LDHD: variants seen among roughly 807,000 people sequenced by gnomAD.
LDHD encodes the protein lactate dehydrogenase D.
A neutral mutation model predicts 52.9 loss-of-function variants in LDHD; 58 were observed. The ratio of observed to expected loss-of-function variants is 1.10; its 90% CI spans 0.89 to 1.36. The LOEUF is 1.36. Ranked by LOEUF, LDHD falls within the 40% of genes most tolerant of loss-of-function variation. The pLI is 0.00. For synonymous variants in LDHD, 350 were observed against 288.6 expected (o/e 1.21, Z -2.16); for missense variants, 747 against 668.0 (o/e 1.12, Z -1.30).
Position 75,114,007 on chromosome 16 carries a change from G to C in LDHD, c.788C>G (p.Thr263Ser), listed in dbSNP as rs558912873. The C allele has an allele frequency of 1.2e-5, 20 of 1,606,628 alleles. No individual in the cohort carries two copies. The highest frequency in any genetic ancestry group is 1.6e-5 in the Non-Finnish European group (19 of 1,177,748). ...FPSVQAAVDSTVHILQAAVPV... is the reference protein window; with the variant it reads ...FPSVQAAVDSSVHILQAAVPV... ...CACTGCAGCCTGGAGGATGTGTACAGTGCTGTCCACAGCAGCCTGGACACT... is the reference window on the plus strand; with the variant it reads ...CACTGCAGCCTGGAGGATGTGTACACTGCTGTCCACAGCAGCCTGGACACT... Residue 263 changes from threonine (T) to serine (S), a missense_variant, in exon 6 of 11, where the codon ACT (threonine) becomes AGT (serine). Physicochemically the swap from Thr to Ser is moderately conservative, Grantham distance 58. Transcript: ENST00000450168.
In LDHD at chr16:75,112,313, C is replaced by T; in HGVS notation, c.*43G>A. 6.4e-7 allele frequency: 1 copy of T among 1,566,270 alleles called. No homozygotes were observed. Among genetic ancestry groups the T allele is most frequent in the Non-Finnish European group, 8.7e-7 (1 of 1,151,530 alleles). On this transcript the variant is annotated 3_prime_UTR_variant, in exon 11 of 11. Transcript: ENST00000450168. ...GCATGAAGAAAAGTTCCAGAACCGG[C>T]TCCGTAGTCAGGGAACTTGTGGGCT...
At position 75,112,735 on chromosome 16, in the gene LDHD, C is replaced by G. The variant is rs563835461; in HGVS notation, c.1178-22G>C. On this transcript the variant is annotated intron_variant, in intron 9 of 10. Transcript: ENST00000450168. Reference sequence around the variant, plus strand: ...CTTCCTGGGGGCCCAGAGGACAGAACTATTCTCCAGCCCAGTCCTCCTCTT... The same window carrying G: ...CTTCCTGGGGGCCCAGAGGACAGAAGTATTCTCCAGCCCAGTCCTCCTCTT... 9 of 1,609,972 alleles carry G rather than the reference C, an allele frequency of 5.6e-6. No individual in the cohort carries two copies. The South Asian group carries it at 8.8e-5, about 16-fold the overall frequency.
Position 75,112,150 on chromosome 16 carries a change from C to A in LDHD, c.*206G>T, listed in dbSNP as rs1455376577. ...CCTGGGTCGTTTACTGAACCAAAGG[C>A]TCCTGGGGCCAGCCAGAGGGCCAGG... On this transcript the variant is annotated 3_prime_UTR_variant, in exon 11 of 11. Transcript: ENST00000450168. 9.8e-6 allele frequency: 6 copies of A among 609,222 alleles called. No individual in the cohort carries two copies. The highest frequency in any genetic ancestry group is 2.8e-6 in the Non-Finnish European group (1 of 357,456). The allele number at this position is 609,222 out of a possible 1,614,324, so 37.7% of individuals were successfully genotyped here.
Position 75,112,846 on chromosome 16 carries a change from A to C in LDHD, c.1165T>G (p.Ser389Ala), listed in dbSNP as rs1325952326. Residue 389 changes from serine (S) to alanine (A), a missense_variant, in exon 9 of 11, where the codon TCA becomes GCA. Transcript: ENST00000450168. The stretch of plus-strand genomic sequence containing the variant: ...GGGTGGGCAGAACCTGTGAGTCCTG[A>C]GGCATTCAGATCCTCCTTGGTCTGC... ...VVQTKEDLNA[S>A]GLTGSIVGHV... 1.9e-6 allele frequency: 3 copies of C among 1,613,238 alleles called. No individual in the cohort carries two copies. Among genetic ancestry groups the C allele is most frequent in the Non-Finnish European group, 2.5e-6 (3 of 1,179,812 alleles).
chr16:75,113,772 G>T lies in LDHD; in HGVS notation c.928C>A (p.Gln310Lys), dbSNP rs1483443794. Residue 310 changes from glutamine (Q) to lysine (K), a missense_variant, in exon 7 of 11, where the codon CAG (glutamine) becomes AAG (lysine). Transcript: ENST00000450168. ...CGCTGCAGCTGCTCCTCCAGTGCCTGCTGGGAGCCATGGAACTCCAGGAAG... is the reference window on the plus strand; with the variant it reads ...CGCTGCAGCTGCTCCTCCAGTGCCTTCTGGGAGCCATGGAACTCCAGGAAG... The part of the protein sequence containing the change: ...TLFLEFHGSQ[Q>K]ALEEQLQRTE... 5 of 1,613,958 alleles carry T rather than the reference G, an allele frequency of 3.1e-6. No individual in the cohort carries two copies. The highest frequency in any genetic ancestry group is 1.1e-5 in the South Asian group (1 of 91,084).
chr16:75,113,710 C>A (rs1355699227), intron 7 of LDHD, 32 bp downstream of exon 7: 1 of 1,613,082 alleles, frequency 6.2e-7, no homozygotes, highest in Admixed American at 1.7e-5. Context: ...CTGAGGCAGC[C>A]CACCCTGCTG....
chr16:75,116,525 T>A, intron 1 of LDHD, 124 bp downstream of exon 1: 1 of 777,272 alleles, frequency 1.3e-6, no homozygotes, highest in Non-Finnish European at 2.2e-6. Context: ...CCCAGTGCCC[T>A]TTTGCCCAAG....
In LDHD at chr16:75,113,635, G is replaced by A. The variant is rs759491355; in HGVS notation, c.986C>T (p.Ser329Phe). The change falls in exon 8 of 11, where the codon TCT becomes TTT. Residue 329 changes from serine (S) to phenylalanine (F), a missense_variant. Transcript: ENST00000450168. ...GGCCTCCTTGGCCCAGGAGAAGTCA[G>A]AGGCTCCGTTCTGCTGGACTATCTC... The part of the protein sequence containing the change: ...TEEIVQQNGA[S>F]DFSWAKEAEE... 2 of 1,613,352 alleles carry A rather than the reference G, an allele frequency of 1.2e-6. No homozygotes were observed. The highest frequency in any genetic ancestry group is 4.5e-5 in the East Asian group (2 of 44,872).
At chr16:75,114,454 C>A in intron 5 of LDHD, 72 bp downstream of exon 5, 1 of 1,419,716 alleles carries the variant, frequency 7.0e-7, no homozygotes, top group Admixed American at 2.8e-5. Context: ...CTTTTCACAG[C>A]CCGGTCTCTG....
In LDHD at chr16:75,112,135, T is replaced by G; in HGVS notation, c.*221A>C. The stretch of plus-strand genomic sequence containing the variant: ...TTTGCTGGGAACCACCCTGGGTCGT[T>G]TACTGAACCAAAGGCTCCTGGGGCC... On this transcript the variant is annotated 3_prime_UTR_variant, in exon 11 of 11. Transcript: ENST00000450168. The G allele has an allele frequency of 2.2e-5, 12 of 557,866 alleles. No homozygotes were observed. Among genetic ancestry groups the G allele is most frequent in the East Asian group, 3.0e-5 (1 of 33,572 alleles). 34.6% of individuals were successfully genotyped at this position (557,866 alleles called of 1,614,324 possible). A position where few individuals can be genotyped will look rare whatever the true frequency, so the allele number is the denominator to read the frequency against.
Position 75,115,259 on chromosome 16 carries a change from C to G in LDHD, c.266G>C (p.Gly89Ala). The G allele has an allele frequency of 1.2e-6, 2 of 1,613,466 alleles. No homozygotes were observed. The highest frequency in any genetic ancestry group is 1.1e-5 in the South Asian group (1 of 91,086). The change falls in exon 3 of 11, where the codon GGT becomes GCT. Residue 89 changes from glycine to alanine, a missense_variant. Physicochemically the swap from Gly to Ala is moderately conservative, Grantham distance 60. Coordinates refer to ENST00000450168, the MANE Select transcript of LDHD (RefSeq NM_194436.3). Reference protein sequence around the residue: ...SRLAALCYRQGVPIIPFGTGT... With the variant: ...SRLAALCYRQAVPIIPFGTGT... ...GGTGCCGAATGGGATGATGGGCACA[C>G]CTTGGCGATAGCACAGGGCTGCCAG... is the stretch of plus-strand genomic sequence containing the variant.
rs1019547529 is a variant in LDHD, at chr16:75,115,724, A to G, written c.73-64T>C. The stretch of plus-strand genomic sequence containing the variant: ...ACACATGGGGCCACAGCCCTGCCCC[A>G]GTGTCGGGGGGAGGGCTGGGGGCTG... On this transcript the variant is annotated intron_variant, in intron 1 of 10. Coordinates refer to ENST00000450168, the MANE Select transcript of LDHD (RefSeq NM_194436.3). 5 of 1,038,926 alleles carry G rather than the reference A, an allele frequency of 4.8e-6. No individual in the cohort carries two copies. The East Asian group carries it at 1.3e-4, about 27-fold the overall frequency. The allele number at this position is 1,038,926 out of a possible 1,614,324, so 64.4% of individuals were successfully genotyped here.
intron 1 of LDHD, among the ~76,000 whole-genome samples, chr16:75,116,279 G>GGGGGC (rs1035055465): frequency 6.6e-6 from 1 of 152,184 alleles, no homozygotes; most frequent in African/African-American, 2.4e-5. Flanking sequence ...GCCCTTCGTG[G>GGGGGC]GGGGCGGGGC....
In LDHD at chr16:75,113,547, C is replaced by T; in HGVS notation, c.1074G>A (p.Arg358=). 1.9e-6 allele frequency: 3 copies of T among 1,608,110 alleles called. No homozygotes were observed. The highest frequency in any genetic ancestry group is 2.2e-5 in the South Asian group (2 of 90,752). ...AGCCCCAGCTCACCTTGCAGCCTGG[C>T]CGCGTGGCCAGGGCTGCGTACCAGG... ...HNAWYAALAT[R]PGCKGYSTDV... The change falls in exon 8 of 11, where the codon CGG becomes CGA. Residue 358 remains arginine, a synonymous_variant. Coordinates refer to ENST00000450168, the MANE Select transcript of LDHD (RefSeq NM_194436.3).
intron 1 of LDHD, among the ~76,000 whole-genome samples, chr16:75,115,891 A>C (rs2036545762): frequency 6.6e-6 from 1 of 151,746 alleles, no homozygotes; most frequent in Non-Finnish European, 1.5e-5. Context: ...TCAGAAAAAA[A>C]CGCCACCAGA....
In LDHD at chr16:75,114,892, T is replaced by G. The variant is rs2036509417; in HGVS notation, c.404A>C (p.Glu135Ala). Residue 135 changes from glutamate to alanine, a missense_variant, in exon 4 of 11, where the codon GAG (glutamate) becomes GCG (alanine). Coordinates refer to ENST00000450168, the MANE Select transcript of LDHD (RefSeq NM_194436.3). ...GAGGGCTTTGCGGGTGACACCTGGC[T>G]CCACCACCACAGAGAAGTCCTCCTG... ...LNQEDFSVVV[E>A]PGVTRKALNA... is the part of the protein sequence containing the mutation. The G allele has an allele frequency of 6.2e-7, 1 of 1,614,024 alleles. No homozygotes were observed. Among genetic ancestry groups the G allele is most frequent in the African/African-American group, 1.3e-5 (1 of 75,052 alleles).
Position 75,112,263 on chromosome 16 carries a change from C to G in LDHD, c.*93G>C. The G allele has an allele frequency of 1.4e-6, 2 of 1,421,538 alleles. No individual in the cohort carries two copies. The highest frequency in any genetic ancestry group is 1.9e-6 in the Non-Finnish European group (2 of 1,040,886). 88.1% of individuals were successfully genotyped at this position (1,421,538 alleles called of 1,614,324 possible). On this transcript the variant is annotated 3_prime_UTR_variant, in exon 11 of 11. Transcript: ENST00000450168. ...CTCGCTGGCAGGAAGACTGCCTCAGCATCTATTTCCTTGCAGGGGCCGTGG... is the reference window on the plus strand; with the variant it reads ...CTCGCTGGCAGGAAGACTGCCTCAGGATCTATTTCCTTGCAGGGGCCGTGG...
chr16:75,114,178 G>A lies in LDHD; in HGVS notation c.630-13C>T, dbSNP rs771347396. 3.1e-6 allele frequency: 5 copies of A among 1,611,266 alleles called. No individual in the cohort carries two copies. Among genetic ancestry groups the A allele is most frequent in the Non-Finnish European group, 4.2e-6 (5 of 1,179,958 alleles). ...GGCTGCACTCTTCCTACGTCCCAGGGACACACAAGGTGAGTACCAGGCTGT... is the reference window on the plus strand; with the variant it reads ...GGCTGCACTCTTCCTACGTCCCAGGAACACACAAGGTGAGTACCAGGCTGT... On this transcript the variant is annotated splice_polypyrimidine_tract_variant and intron_variant, in intron 5 of 10. Coordinates refer to ENST00000450168, the MANE Select transcript of LDHD (RefSeq NM_194436.3).
rs2036523565 is a variant in LDHD, at chr16:75,115,287, G to A, written c.238C>T (p.Arg80Trp). The change falls in exon 3 of 11, where the codon CGG becomes TGG. Residue 80 changes from arginine (R) to tryptophan (W), a missense_variant. Physicochemically the swap from Arg to Trp is moderately radical, Grantham distance 101. Transcript: ENST00000450168. ...VWPQNVEQVS[R>W]LAALCYRQGV... The stretch of plus-strand genomic sequence containing the variant: ...TGGCGATAGCACAGGGCTGCCAGCC[G>A]GCTGACCTGCTCCACGTTCTGGGGC... The A allele has an allele frequency of 1.9e-6, 3 of 1,613,450 alleles. No individual in the cohort carries two copies. Among genetic ancestry groups the A allele is most frequent in the South Asian group, 1.1e-5 (1 of 91,088 alleles).
Sources: allele counts gnomAD v4.1 joint callset (sites outside exome capture counted in the v4.1 genomes callset), GRCh38; gene constraint gnomAD v4.1.1; transcripts MANE v1.5; gene names NCBI Gene and HGNC (gene_info 2026-07-23, HGNC 2026-07-21).